The following MBOAT1 variants were observed in gnomAD, a reference collection of about 807,000 sequenced individuals.
The protein encoded by MBOAT1 is membrane bound glycerophospholipid O-acyltransferase 1, also known as membrane-bound glycerophospholipid O-acyltransferase 1.
MBOAT1 carries 67 observed loss-of-function variants against 64.4 expected under a neutral mutation model. The ratio of observed to expected loss-of-function variants is 1.04; its 90% CI spans 0.85 to 1.27. The LOEUF is 1.27. Among genes scored for constraint, MBOAT1 ranks in the 50% most tolerant of loss-of-function variants. MBOAT1 has a pLI of 0.00. For missense variants in MBOAT1, 563 were observed against 604.6 expected, an observed-to-expected ratio of 0.93 and a Z score of 0.72; for synonymous variants, 229 against 218.9, an observed-to-expected ratio of 1.05 and a Z score of -0.41.
At chr6:20,162,702 AG>A (rs1406399603) in intron 1 of MBOAT1, among the ~76,000 whole-genome samples, 1 of 152,214 alleles carries the variant, frequency 6.6e-6, no homozygotes, top group African/African-American at 2.4e-5. Context: ...CCTCAGCTGT[AG>A]GGCAGCTCCA....
intron 10 of MBOAT1, among the ~76,000 whole-genome samples, chr6:20,113,602 A>G (rs1050342669): frequency 3.9e-5 from 6 of 152,230 alleles, no homozygotes; most frequent in African/African-American, 1.4e-4. Context: ...TCAGACTTCA[A>G]TCCATGAATC....
intron 1 of MBOAT1, among the ~76,000 whole-genome samples, chr6:20,202,731 C>A (rs945121252): frequency 6.6e-6 from 1 of 152,090 alleles, no homozygotes; most frequent in Non-Finnish European, 1.5e-5. Context: ...CATTTTTAAC[C>A]AGTACAAACT....
chr6:20,176,070 G>A (rs191175844), intron 1 of MBOAT1, among the ~76,000 whole-genome samples: 161 of 152,276 alleles, frequency 1.1e-3, no homozygotes, highest in African/African-American at 3.4e-3. Flanking sequence ...GATCACTTGA[G>A]GCCAGGAGTT....
chr6:20,112,692 T>C (rs898859723), intron 11 of MBOAT1, among the ~76,000 whole-genome samples, 184 bp downstream of exon 11: 4 of 152,188 alleles, frequency 2.6e-5, no homozygotes, highest in African/African-American at 9.7e-5. Context: ...TTGTAATGAC[T>C]CCAGAGGTTC....
chr6:20,102,664 C>G (rs927401431), intron 12 of MBOAT1, among the ~76,000 whole-genome samples: 1 of 152,098 alleles, frequency 6.6e-6, no homozygotes, highest in Non-Finnish European at 1.5e-5. Flanking sequence ...CACACGGTAC[C>G]GTCCCATTGA....
chr6:20,201,619 C>A (rs1352730211), intron 1 of MBOAT1, among the ~76,000 whole-genome samples: 1 of 148,496 alleles, frequency 6.7e-6, no homozygotes, highest in East Asian at 2.0e-4. Context: ...CTCATACTGT[C>A]GTCCAGGCTG....
chr6:20,210,352 A>C (rs1763382985), intron 1 of MBOAT1, among the ~76,000 whole-genome samples: 1 of 152,190 alleles, frequency 6.6e-6, no homozygotes, highest in Non-Finnish European at 1.5e-5. Flanking sequence ...CAAAGCTTCC[A>C]AACTCGCAAG....
intron 4 of MBOAT1, among the ~76,000 whole-genome samples, chr6:20,141,146 G>A (rs907732956): frequency 3.9e-5 from 6 of 152,142 alleles, no homozygotes; most frequent in African/African-American, 1.4e-4. Context: ...GAGATTTCCA[G>A]GTTGACAAAG....
At chr6:20,202,818 T>C (rs889424925) in intron 1 of MBOAT1, among the ~76,000 whole-genome samples, 1 of 152,244 alleles carries the variant, frequency 6.6e-6, no homozygotes, top group African/African-American at 2.4e-5. Flanking sequence ...TTGACATTAA[T>C]GAGACTGCAA....
intron 7 of MBOAT1, 29 bp downstream of exon 7, chr6:20,126,488 A>G (rs1191785393): frequency 1.9e-6 from 3 of 1,576,570 alleles, no homozygotes; most frequent in Non-Finnish European, 2.6e-6. Flanking sequence ...TGGCAGCAAA[A>G]CCCTATTCTC....
At chr6:20,171,499 G>A (rs980091673) in intron 1 of MBOAT1, among the ~76,000 whole-genome samples, 2 of 151,800 alleles carry the variant, frequency 1.3e-5, no homozygotes, top group African/African-American at 4.8e-5. Flanking sequence ...GCTGCAGTGA[G>A]CTATGACTGC....
chr6:20,184,459 G>A (rs577471857), intron 1 of MBOAT1, among the ~76,000 whole-genome samples: 1 of 152,270 alleles, frequency 6.6e-6, no homozygotes. Context: ...GCAAGGGACG[G>A]ACAATGACCC....
chr6:20,127,052 G>A lies in MBOAT1; in HGVS notation c.531-352C>T, dbSNP rs375818626. On this transcript the variant is annotated intron_variant, in intron 6 of 12. Transcript: ENST00000324607. ...GAAGGTAATAAACATAAAGCAGGGCGGAACCTGACCTAATGTTAGCGGATC... is the reference window on the plus strand; with the variant it reads ...GAAGGTAATAAACATAAAGCAGGGCAGAACCTGACCTAATGTTAGCGGATC... Among the ~76,000 whole-genome samples the A allele has an allele frequency of 1.5e-4, 23 of 152,266 alleles. No homozygotes were observed. The South Asian group carries it at 3.7e-3, about 25-fold the overall frequency.
intron 2 of MBOAT1, among the ~76,000 whole-genome samples, chr6:20,152,232 CAGG>C (rs1173176046): frequency 3.9e-5 from 6 of 152,056 alleles, no homozygotes; most frequent in African/African-American, 4.8e-5. Flanking sequence ...GAGGCTGAGG[CAGG>C]AGAATCACTT....
At chr6:20,140,751 C>T (rs1444161863) in intron 4 of MBOAT1, among the ~76,000 whole-genome samples, 1 of 152,202 alleles carries the variant, frequency 6.6e-6, no homozygotes, top group East Asian at 1.9e-4. Context: ...TCCATAATCA[C>T]ATAAGCCAAT....
At chr6:20,110,216 CT>C (rs11337867) in intron 11 of MBOAT1, among the ~76,000 whole-genome samples, 51,548 of 140,320 alleles carry the variant, frequency 0.37, 10,003 homozygotes, top group East Asian at 0.66. Context: ...GCCCAGGACT[CT>C]TTTTTTTTTT....
intron 11 of MBOAT1, among the ~76,000 whole-genome samples, chr6:20,111,849 T>TATATATGC: frequency 1.2e-5 from 1 of 80,244 alleles, no homozygotes; most frequent in African/African-American, 4.5e-5. Context: ...TATATATACA[T>TATATATGC]ATATATATAC....
intron 1 of MBOAT1, among the ~76,000 whole-genome samples, chr6:20,209,625 G>GAGGCAT (rs1393557193): frequency 6.6e-6 from 1 of 152,166 alleles, no homozygotes; most frequent in African/African-American, 2.4e-5. Context: ...GTGTCCTTAA[G>GAGGCAT]AGGCATACAA....
chr6:20,201,189 C>T (rs781258572), intron 1 of MBOAT1, among the ~76,000 whole-genome samples: 64 of 152,162 alleles, frequency 4.2e-4, no homozygotes, highest in Admixed American at 1.2e-3. Flanking sequence ...GGAGTTATAA[C>T]TCCAGATTTT....
Sources: gnomAD v4.1 joint callset for allele counts (sites outside exome capture counted in the v4.1 genomes callset) on GRCh38, gnomAD v4.1.1 for gene constraint, MANE v1.5 for transcripts, NCBI Gene and HGNC (gene_info 2026-07-23, HGNC 2026-07-21) for gene names.